REL: variants seen among roughly 807,000 people sequenced by gnomAD.
REL encodes REL proto-oncogene, NF-kB subunit.
Under a neutral mutation model 45.9 loss-of-function variants are expected in REL, and 15 were observed. That is an observed-to-expected ratio of 0.33 (90% CI 0.22 to 0.50). The LOEUF (loss-of-function observed/expected upper bound fraction) is 0.50, where lower values mean the gene tolerates loss of function less well. Ranked by LOEUF, REL falls within the 20% of genes least tolerant of loss-of-function variation. REL has a pLI of 0.98. For missense variants in REL, 601 were observed against 715.2 expected (o/e 0.84, Z 1.82); for synonymous variants, 239 against 242.1 (o/e 0.99, Z 0.12).
chr2:60,913,739 G>A (rs754223299), intron 4 of REL, among the ~76,000 whole-genome samples: 17 of 152,008 alleles, frequency 1.1e-4, no homozygotes, highest in African/African-American at 3.6e-4. Context: ...TATCTTGGTC[G>A]CATGGTTTTT....
rs1161757285 is a variant in REL, at chr2:60,927,547, C to T, written c.*5012C>T. 4.4e-6 allele frequency: 1 copy of T among 229,462 alleles called. No homozygotes were observed. Among genetic ancestry groups the T allele is most frequent in the Non-Finnish European group, 8.6e-6 (1 of 115,702 alleles). The allele number at this position is 229,462 out of a possible 1,614,324, so 14.2% of individuals were successfully genotyped here. ...GTGGCAGGTTTAATCTCAGGTCTCC[C>T]TCATACACTTCTCAGCCTCAGCACC... is the stretch of plus-strand genomic sequence containing the variant. On this transcript the variant is annotated 3_prime_UTR_variant, in exon 10 of 10. Coordinates refer to ENST00000394479, the MANE Select transcript of REL (RefSeq NM_001291746.2).
intron 3 of REL, among the ~76,000 whole-genome samples, chr2:60,895,149 G>A (rs1487899043): frequency 4.0e-5 from 6 of 151,800 alleles, no homozygotes; most frequent in South Asian, 4.2e-4. Flanking sequence ...GTGAGACACC[G>A]TGCCTAGCCT....
In REL at chr2:60,925,405, C is replaced by G. The variant is rs935078376; in HGVS notation, c.*2870C>G. ...CAGGAAGAAAAAAAAAGAAAGACCCCTGAGTACCATTAATATTCCTCAGAA... is the reference window on the plus strand; with the variant it reads ...CAGGAAGAAAAAAAAAGAAAGACCCGTGAGTACCATTAATATTCCTCAGAA... On this transcript the variant is annotated 3_prime_UTR_variant, in exon 10 of 10. Coordinates refer to ENST00000394479, the MANE Select transcript of REL (RefSeq NM_001291746.2). 5.3e-6 allele frequency: 1 copy of G among 189,916 alleles called. No homozygotes were observed. Among genetic ancestry groups the G allele is most frequent in the Non-Finnish European group, 1.1e-5 (1 of 90,424 alleles). 11.8% of individuals were successfully genotyped at this position (189,916 alleles called of 1,614,324 possible).
chr2:60,910,438 C>T (rs1238049752), intron 4 of REL, among the ~76,000 whole-genome samples: 1 of 146,436 alleles, frequency 6.8e-6, no homozygotes, highest in Non-Finnish European at 1.5e-5. Flanking sequence ...GCACTCCAGC[C>T]TGGGTGACAG....
At position 60,894,387 on chromosome 2, in the gene REL, C is replaced by A. The variant is rs780547620; in HGVS notation, c.154-10C>A. ...TTTGGATCATGTATTTAATTTCCCC[C>A]TTTTTTCAGATTATGAACTATTATG... On this transcript the variant is annotated splice_polypyrimidine_tract_variant and intron_variant, in intron 2 of 9. Transcript: ENST00000394479. 1.4e-6 allele frequency: 2 copies of A among 1,448,828 alleles called. No individual in the cohort carries two copies. Among genetic ancestry groups the A allele is most frequent in the Middle Eastern group, 1.8e-4 (1 of 5,526 alleles). 89.7% of individuals were successfully genotyped at this position (1,448,828 alleles called of 1,614,324 possible).
rs1011528368 is a variant in REL, at chr2:60,930,868, T to C, written c.*8333T>C. On this transcript the variant is annotated 3_prime_UTR_variant, in exon 10 of 10. Coordinates refer to ENST00000394479, the MANE Select transcript of REL (RefSeq NM_001291746.2). The stretch of plus-strand genomic sequence containing the variant: ...AAATTTAAAGAATTACAAGTAAAAT[T>C]CATTAAACACTTGTGTGTGAATAGT... 1 of 152,360 alleles carries C rather than the reference T, an allele frequency of 6.6e-6. No homozygotes were observed. The highest frequency in any genetic ancestry group is 1.5e-5 in the Non-Finnish European group (1 of 68,036). The allele number at this position is 152,360 out of a possible 1,614,324, so 9.4% of individuals were successfully genotyped here. A position where few individuals can be genotyped will look rare whatever the true frequency, so the allele number is the denominator to read the frequency against.
At chr2:60,896,303 C>T (rs1225129338) in intron 3 of REL, among the ~76,000 whole-genome samples, 1 of 152,092 alleles carries the variant, frequency 6.6e-6, no homozygotes, top group Non-Finnish European at 1.5e-5. Context: ...GCCACGGCAC[C>T]TGGCCAGATA....
At chr2:60,900,450 T>C (rs1172961416) in intron 3 of REL, 1 of 152,436 alleles carries the variant, frequency 6.6e-6, no homozygotes, top group East Asian at 1.9e-4. Context: ...TATTAGTAAT[T>C]GTAAAACACT....
Position 60,881,592 on chromosome 2 carries a change from C to T in REL, c.-249C>T. On this transcript the variant is annotated 5_prime_UTR_variant, in exon 1 of 10. Transcript: ENST00000394479. Reference sequence around the variant, plus strand: ...GGCCAGCACTCGGCTCTCCCCGCTCCGCCCCCTGCCCCTGGCTCCCGTACG... The same window carrying T: ...GGCCAGCACTCGGCTCTCCCCGCTCTGCCCCCTGCCCCTGGCTCCCGTACG... The T allele has an allele frequency of 4.0e-6, 2 of 495,762 alleles. No individual in the cohort carries two copies. Among genetic ancestry groups the T allele is most frequent in the Admixed American group, 3.9e-5 (1 of 25,574 alleles). 30.7% of individuals were successfully genotyped at this position (495,762 alleles called of 1,614,324 possible).
chr2:60,888,830 G>A (rs1406788856), intron 1 of REL, among the ~76,000 whole-genome samples: 1 of 152,116 alleles, frequency 6.6e-6, no homozygotes, highest in Non-Finnish European at 1.5e-5. Context: ...TAACCCTACT[G>A]TTCAGGCACC....
intron 4 of REL, among the ~76,000 whole-genome samples, chr2:60,913,927 ATGTT>A (rs1306446485): frequency 2.0e-5 from 3 of 152,144 alleles, no homozygotes; most frequent in Admixed American, 1.3e-4. Flanking sequence ...AAGTATCTAA[ATGTT>A]TGGTTGTTCA....
intron 1 of REL, among the ~76,000 whole-genome samples, chr2:60,889,844 A>G (rs1389521354): frequency 1.3e-5 from 2 of 152,090 alleles, no homozygotes; most frequent in Non-Finnish European, 2.9e-5. Context: ...AATCCAGTCT[A>G]TCATTGTTGG....
chr2:60,890,342 C>T (rs116810031), intron 1 of REL, among the ~76,000 whole-genome samples: 1,650 of 152,294 alleles, frequency 0.011, 7 homozygotes, highest in Non-Finnish European at 0.017. Flanking sequence ...TCCTATTTTA[C>T]AGAGGAGGAA....
At chr2:60,921,233 A>G (rs1430786069) in intron 9 of REL, among the ~76,000 whole-genome samples, 2 of 152,174 alleles carry the variant, frequency 1.3e-5, no homozygotes, top group Non-Finnish European at 2.9e-5. Flanking sequence ...ATAATATGTA[A>G]ATAGATACAG....
Position 60,901,084 on chromosome 2 carries a change from G to C in REL, c.394+1G>C. 1 of 1,575,020 alleles carries C rather than the reference G, an allele frequency of 6.3e-7. No homozygotes were observed. Among genetic ancestry groups the C allele is most frequent in the Non-Finnish European group, 8.6e-7 (1 of 1,165,518 alleles). On this transcript the variant is annotated splice_donor_variant, in intron 4 of 9. Coordinates refer to ENST00000394479, the MANE Select transcript of REL (RefSeq NM_001291746.2). LOFTEE classifies it high-confidence loss of function. The stretch of plus-strand genomic sequence containing the variant: ...AAGGCAGGAATCAATCCATTCAATG[G>C]TAAGTATGTTTGATAAAATCATTTC...
chr2:60,897,056 A>G (rs1673369049), intron 3 of REL, among the ~76,000 whole-genome samples: 1 of 152,216 alleles, frequency 6.6e-6, no homozygotes, highest in Non-Finnish European at 1.5e-5. Flanking sequence ...GCATTCTATT[A>G]TAAAGAAGAA....
chr2:60,920,410 A>T, intron 8 of REL, 164 bp from the exon 9 acceptor site: 1 of 671,590 alleles, frequency 1.5e-6, no homozygotes, highest in South Asian at 1.6e-5. Flanking sequence ...CATGTTGACC[A>T]GGATGGTCTT....
At chr2:60,919,909 T>C (rs757068157) in intron 7 of REL, 132 bp from the exon 8 acceptor site, 6 of 617,032 alleles carry the variant, frequency 9.7e-6, no homozygotes, top group Admixed American at 3.0e-5. Context: ...TATTCTATAA[T>C]ACTTATTAAA....
At chr2:60,889,750 C>T (rs1397677691) in intron 1 of REL, among the ~76,000 whole-genome samples, 4 of 152,048 alleles carry the variant, frequency 2.6e-5, no homozygotes, top group Non-Finnish European at 5.9e-5. Flanking sequence ...TTTCCAGCTT[C>T]ATCTATGTCC....
Sources: allele counts gnomAD v4.1 joint callset (sites outside exome capture counted in the v4.1 genomes callset), GRCh38; gene constraint gnomAD v4.1.1; transcripts MANE v1.5; gene names NCBI Gene and HGNC (gene_info 2026-07-23, HGNC 2026-07-21).